The following NEGR1 variants were observed in gnomAD, a reference collection of about 807,000 sequenced individuals.
The protein encoded by NEGR1 is IgLON family member 4.
In NEGR1, 10 loss-of-function variants were observed where a neutral mutation model predicts 40.9. That is an observed-to-expected ratio of 0.24 (90% CI 0.15 to 0.42). The LOEUF (loss-of-function observed/expected upper bound fraction) is 0.42. Ranked by LOEUF, NEGR1 falls within the 10% of genes least tolerant of loss-of-function variation. The probability of loss-of-function intolerance (pLI) is 1.00; values close to 1 mark genes in which losing one functional copy is unlikely to be tolerated. For synonymous variants in NEGR1, 185 were observed against 166.8 expected, an observed-to-expected ratio of 1.11 and a Z score of -0.84; for missense variants, 352 against 438.9, an observed-to-expected ratio of 0.80 and a Z score of 1.77.
At chr1:71,887,345 G>A (rs1660750864) in intron 2 of NEGR1, among the ~76,000 whole-genome samples, 1 of 151,760 alleles carries the variant, frequency 6.6e-6, no homozygotes. Flanking sequence ...GTTGTTCAAG[G>A]GTCAACTGTA....
chr1:71,902,182 G>A (rs1041264637), intron 2 of NEGR1, among the ~76,000 whole-genome samples: 2 of 152,146 alleles, frequency 1.3e-5, no homozygotes, highest in Admixed American at 6.6e-5. Context: ...ATAAATTTAA[G>A]GATGTAGCAG....
At chr1:71,606,650 T>C (rs1225210433) in intron 5 of NEGR1, among the ~76,000 whole-genome samples, 1 of 152,172 alleles carries the variant, frequency 6.6e-6, no homozygotes, top group Non-Finnish European at 1.5e-5. Context: ...CCCTTGTGTC[T>C]CAGTTTTGTC....
At chr1:71,659,636 A>T (rs1570163628) in intron 4 of NEGR1, among the ~76,000 whole-genome samples, 1 of 152,308 alleles carries the variant, frequency 6.6e-6, no homozygotes, top group Non-Finnish European at 1.5e-5. Context: ...CAAGAGAAGA[A>T]CAAACAACCC....
intron 6 of NEGR1, among the ~76,000 whole-genome samples, chr1:71,448,727 A>C (rs1346965536): frequency 6.6e-6 from 1 of 152,210 alleles, no homozygotes; most frequent in East Asian, 1.9e-4. Flanking sequence ...CCACAAACAC[A>C]GTCTGACAAA....
intron 3 of NEGR1, among the ~76,000 whole-genome samples, chr1:71,727,738 C>T (rs1164404064): frequency 6.6e-6 from 1 of 152,106 alleles, no homozygotes; most frequent in Non-Finnish European, 1.5e-5. Flanking sequence ...TCATGGAGGG[C>T]ATTTCAGGCT....
chr1:71,823,969 A>G (rs998603059), intron 2 of NEGR1, among the ~76,000 whole-genome samples: 1 of 152,044 alleles, frequency 6.6e-6, no homozygotes, highest in Non-Finnish European at 1.5e-5. Context: ...TGAAGTGCAC[A>G]GAAGCTGATC....
chr1:71,463,219 A>C (rs1646725262), intron 6 of NEGR1: 1 of 152,178 alleles, frequency 6.6e-6, no homozygotes, highest in African/African-American at 2.4e-5. Flanking sequence ...CTATTGGGCA[A>C]AATTATTCAG....
At chr1:71,606,747 T>G (rs1210401073) in intron 5 of NEGR1, among the ~76,000 whole-genome samples, 1 of 114,708 alleles carries the variant, frequency 8.7e-6, no homozygotes, top group African/African-American at 5.5e-5. Flanking sequence ...CTGGAAAGTG[T>G]TTTTTTTTTT....
chr1:72,231,605 T>C (rs972085177), intron 1 of NEGR1, among the ~76,000 whole-genome samples: 2 of 152,182 alleles, frequency 1.3e-5, no homozygotes, highest in African/African-American at 4.8e-5. Flanking sequence ...ATGTGATTAA[T>C]TTATCATTAT....
intron 2 of NEGR1, among the ~76,000 whole-genome samples, chr1:71,785,632 T>C (rs1354011189): frequency 6.6e-6 from 1 of 152,164 alleles, no homozygotes; most frequent in Admixed American, 6.6e-5. Flanking sequence ...AAATACCCTT[T>C]GGAATGGCCC....
chr1:71,618,701 T>C (rs925972979), intron 4 of NEGR1, among the ~76,000 whole-genome samples: 5 of 152,142 alleles, frequency 3.3e-5, no homozygotes, highest in African/African-American at 1.2e-4. Context: ...ATAATGCACT[T>C]GAATCATCCT....
chr1:71,913,371 T>C (rs1422266590), intron 2 of NEGR1, among the ~76,000 whole-genome samples: 1 of 152,112 alleles, frequency 6.6e-6, no homozygotes, highest in Non-Finnish European at 1.5e-5. Flanking sequence ...CACCTCAGCC[T>C]CCCAAAGTGC....
intron 6 of NEGR1, among the ~76,000 whole-genome samples, chr1:71,562,112 G>T (rs1246081956): frequency 6.6e-6 from 1 of 151,562 alleles, no homozygotes; most frequent in Non-Finnish European, 1.5e-5. Flanking sequence ...AGCCAAAAAC[G>T]TTTCTAGTGA....
In NEGR1 at chr1:71,402,351, A is replaced by G. The variant is rs1366368672; in HGVS notation, c.*5095T>C. Reference sequence around the variant, plus strand: ...TAGTTGTGACCCTTTGGGGAAAACTATAGTTGCCACAATTGTCTCTGAAAT... The same window carrying G: ...TAGTTGTGACCCTTTGGGGAAAACTGTAGTTGCCACAATTGTCTCTGAAAT... On this transcript the variant is annotated 3_prime_UTR_variant, in exon 7 of 7. Coordinates refer to ENST00000357731, the MANE Select transcript of NEGR1 (RefSeq NM_173808.3). The G allele has an allele frequency of 1.3e-5, 2 of 152,228 alleles. No individual in the cohort carries two copies. Among genetic ancestry groups the G allele is most frequent in the Admixed American group, 6.5e-5 (1 of 15,284 alleles). 9.4% of individuals were successfully genotyped at this position (152,228 alleles called of 1,614,324 possible).
chr1:71,441,652 G>A (rs1461573834), intron 6 of NEGR1, among the ~76,000 whole-genome samples: 1 of 152,092 alleles, frequency 6.6e-6, no homozygotes, highest in African/African-American at 2.4e-5. Context: ...AGCTATCTGA[G>A]TAAATGTTAT....
intron 3 of NEGR1, among the ~76,000 whole-genome samples, chr1:71,754,560 C>T (rs1046575172): frequency 4.6e-5 from 7 of 152,152 alleles, no homozygotes; most frequent in African/African-American, 1.2e-4. Flanking sequence ...AGAATAGCAT[C>T]CCTATCTGGA....
intron 2 of NEGR1, among the ~76,000 whole-genome samples, chr1:71,850,316 C>A (rs773659771): frequency 6.6e-6 from 1 of 151,884 alleles, no homozygotes; most frequent in Non-Finnish European, 1.5e-5. Context: ...CCATCATGCC[C>A]GGCAAATATT....
chr1:71,943,182 T>C (rs1267066272), intron 1 of NEGR1, among the ~76,000 whole-genome samples: 1 of 148,826 alleles, frequency 6.7e-6, no homozygotes, highest in African/African-American at 2.5e-5. Context: ...ATATGTATAT[T>C]TATAAACAAA....
At chr1:72,025,813 T>C (rs1012110798) in intron 1 of NEGR1, among the ~76,000 whole-genome samples, 3 of 152,054 alleles carry the variant, frequency 2.0e-5, no homozygotes, top group Admixed American at 1.3e-4. Flanking sequence ...GCCTTACTTT[T>C]AAGAAATGAC....
Sources: allele counts gnomAD v4.1 joint callset (sites outside exome capture counted in the v4.1 genomes callset), GRCh38; gene constraint gnomAD v4.1.1; transcripts MANE v1.5; gene names NCBI Gene and HGNC (gene_info 2026-07-23, HGNC 2026-07-21).